The following CHCHD6 variants were observed in gnomAD, a reference collection of about 807,000 sequenced individuals.
CHCHD6 encodes the protein coiled-coil-helix-coiled-coil-helix domain containing 6.
In CHCHD6, 28 loss-of-function variants were observed where a neutral mutation model predicts 32.3. The ratio of observed to expected loss-of-function variants is 0.87; its 90% CI spans 0.64 to 1.19. CHCHD6 has a LOEUF of 1.19. Among genes scored for constraint, CHCHD6 ranks in the 50% most tolerant of loss-of-function variants. The pLI is 0.00. For synonymous variants in CHCHD6, 122 were observed against 117.5 expected (o/e 1.04, Z -0.25); for missense variants, 333 against 307.0 (o/e 1.08, Z -0.63).
At chr3:126,896,531 G>A (rs745578742) in intron 5 of CHCHD6, among the ~76,000 whole-genome samples, 3 of 152,102 alleles carry the variant, frequency 2.0e-5, no homozygotes, top group Non-Finnish European at 2.9e-5. Context: ...TTCATCTTTG[G>A]TGGACCTCAA....
intron 5 of CHCHD6, among the ~76,000 whole-genome samples, chr3:126,883,471 G>A (rs2077638424): frequency 1.3e-5 from 2 of 152,204 alleles, no homozygotes; most frequent in African/African-American, 4.8e-5. Context: ...CTTGCTGATG[G>A]AGAGAAATCC....
intron 4 of CHCHD6, among the ~76,000 whole-genome samples, chr3:126,785,846 A>G (rs1350309482): frequency 1.3e-5 from 2 of 152,134 alleles, no homozygotes; most frequent in Non-Finnish European, 2.9e-5. Flanking sequence ...TATTTATCAT[A>G]CTTTAAGTTC....
intron 6 of CHCHD6, among the ~76,000 whole-genome samples, chr3:126,921,567 T>C (rs2078247821): frequency 1.3e-5 from 2 of 152,148 alleles, no homozygotes; most frequent in Admixed American, 1.3e-4. Flanking sequence ...GTCAGGAAAC[T>C]TGTACAGTCC....
At chr3:126,798,350 A>C (rs533277385) in intron 4 of CHCHD6, among the ~76,000 whole-genome samples, 13 of 151,956 alleles carry the variant, frequency 8.6e-5, no homozygotes, top group Admixed American at 7.2e-4. Flanking sequence ...GCCTGCTAAA[A>C]CCTCACTGTT....
At chr3:126,758,678 T>G (rs1462657746) in intron 4 of CHCHD6, among the ~76,000 whole-genome samples, 9 of 152,328 alleles carry the variant, frequency 5.9e-5, no homozygotes, top group Middle Eastern at 3.4e-3. Flanking sequence ...CTCTCAAGTT[T>G]GTAGGTGAGC....
At chr3:126,863,716 ATCACCACGTCCTCCTCCT>A (rs1942077758) in intron 5 of CHCHD6, among the ~76,000 whole-genome samples, 1 of 141,340 alleles carries the variant, frequency 7.1e-6, no homozygotes. Flanking sequence ...CTCCTCTACC[ATCACCACGTCCTCCTCCT>A]CCATCACCAC....
intron 6 of CHCHD6, among the ~76,000 whole-genome samples, chr3:126,928,403 C>CAG: frequency 6.6e-6 from 1 of 152,320 alleles, no homozygotes; most frequent in South Asian, 2.1e-4. Context: ...ACCACCATCA[C>CAG]AGAGCCCTCT....
At chr3:126,781,037 C>G (rs984593966) in intron 4 of CHCHD6, among the ~76,000 whole-genome samples, 46 of 152,166 alleles carry the variant, frequency 3.0e-4, no homozygotes, top group African/African-American at 1.1e-3. Context: ...GTGACCATCT[C>G]AGACCCACCA....
rs568716446 is a variant in CHCHD6, at chr3:126,954,192, G to A, written c.567-3224G>A. Among the ~76,000 whole-genome samples the A allele has an allele frequency of 5.3e-5, 8 of 152,258 alleles. No individual in the cohort carries two copies. In the South Asian group the frequency reaches 1.5e-3, roughly 28 times the overall value. Reference sequence around the variant, plus strand: ...AGAGAGAGGCTGTCATGGTCCCACGGGCGATACTGGCAAGGAGGGGATAGA... The same window carrying A: ...AGAGAGAGGCTGTCATGGTCCCACGAGCGATACTGGCAAGGAGGGGATAGA... On this transcript the variant is annotated intron_variant, in intron 6 of 7. Coordinates refer to ENST00000290913, the MANE Select transcript of CHCHD6 (RefSeq NM_032343.3).
At chr3:126,737,192 T>C (rs954705813) in intron 4 of CHCHD6, among the ~76,000 whole-genome samples, 1 of 151,948 alleles carries the variant, frequency 6.6e-6, no homozygotes, top group Non-Finnish European at 1.5e-5. Flanking sequence ...TGGTGGTGCA[T>C]GCCTGGAATC....
chr3:126,957,009 G>C (rs1293444793), intron 6 of CHCHD6: 1 of 212,326 alleles, frequency 4.7e-6, no homozygotes, highest in East Asian at 1.0e-4. Context: ...ACAGTGGGGC[G>C]GGCTGTCTCA....
At chr3:126,914,863 C>T in intron 6 of CHCHD6, 113 bp downstream of exon 6, 1 of 699,404 alleles carries the variant, frequency 1.4e-6, no homozygotes, top group Non-Finnish European at 2.6e-6. Flanking sequence ...TAATAATACA[C>T]ACAACCATCT....
chr3:126,849,904 C>T (rs766303087), intron 4 of CHCHD6, among the ~76,000 whole-genome samples: 3 of 152,204 alleles, frequency 2.0e-5, no homozygotes, highest in African/African-American at 4.8e-5. Context: ...AGTTGTGCTG[C>T]GTGCTGCGTG....
chr3:126,894,291 C>T (rs1298356945), intron 5 of CHCHD6, among the ~76,000 whole-genome samples: 2 of 152,184 alleles, frequency 1.3e-5, no homozygotes, highest in Non-Finnish European at 2.9e-5. Context: ...AGCCAGGAGC[C>T]CACGGTTCTC....
At chr3:126,928,335 A>G (rs906729259) in intron 6 of CHCHD6, among the ~76,000 whole-genome samples, 7 of 152,236 alleles carry the variant, frequency 4.6e-5, no homozygotes, top group Non-Finnish European at 8.8e-5. Context: ...TCAGGATCTG[A>G]TAGCCTCTAG....
intron 5 of CHCHD6, among the ~76,000 whole-genome samples, chr3:126,876,296 C>A (rs2077538583): frequency 6.6e-6 from 1 of 152,182 alleles, no homozygotes; most frequent in Admixed American, 6.5e-5. Context: ...TTGATGAGTT[C>A]AAATGATACA....
chr3:126,866,833 G>A (rs1305412456), intron 5 of CHCHD6, among the ~76,000 whole-genome samples: 2 of 152,170 alleles, frequency 1.3e-5, no homozygotes, highest in Non-Finnish European at 2.9e-5. Flanking sequence ...ACTTCAATAT[G>A]CATCTCTAAA....
chr3:126,861,878 C>T, intron 5 of CHCHD6, among the ~76,000 whole-genome samples: 1 of 96,976 alleles, frequency 1.0e-5, no homozygotes, highest in Non-Finnish European at 2.2e-5. Flanking sequence ...TCCCCCTCCT[C>T]CACCATCACC....
At chr3:126,828,315 T>C (rs771570984) in intron 4 of CHCHD6, among the ~76,000 whole-genome samples, 8 of 152,256 alleles carry the variant, frequency 5.3e-5, no homozygotes, top group Non-Finnish European at 1.0e-4. Flanking sequence ...CCTTGGCTGA[T>C]TCTCTTCCCA....
Sources: gnomAD v4.1 joint callset for allele counts (sites outside exome capture counted in the v4.1 genomes callset) on GRCh38, gnomAD v4.1.1 for gene constraint, MANE v1.5 for transcripts, NCBI Gene and HGNC (gene_info 2026-07-23, HGNC 2026-07-21) for gene names.